KCNN2: variants seen among roughly 807,000 people sequenced by gnomAD.
The protein encoded by KCNN2 is potassium calcium-activated channel subfamily N member 2.
A neutral mutation model predicts 55.5 loss-of-function variants in KCNN2; 24 were observed. The observed-to-expected ratio is 0.43, with a 90% CI of 0.31 to 0.61. The LOEUF (loss-of-function observed/expected upper bound fraction) is 0.61, where lower values mean the gene tolerates loss of function less well. Among genes scored for constraint, KCNN2 ranks in the 20% least tolerant of loss-of-function variants. The probability of loss-of-function intolerance (pLI) is 0.08; values close to 1 mark genes in which losing one functional copy is unlikely to be tolerated. For missense variants in KCNN2, 754 were observed against 853.6 expected (o/e 0.88, Z 1.45); for synonymous variants, 431 against 336.1 (o/e 1.28, Z -3.09).
At chr5:114,389,408 A>G (rs1474867162) in intron 2 of KCNN2, among the ~76,000 whole-genome samples, 1 of 152,172 alleles carries the variant, frequency 6.6e-6, no homozygotes, top group Non-Finnish European at 1.5e-5. Flanking sequence ...GCTTGGGTTC[A>G]TATGCTAGCC....
At chr5:114,164,129 A>G (rs1466797570) in intron 1 of KCNN2, among the ~76,000 whole-genome samples, 1 of 152,220 alleles carries the variant, frequency 6.6e-6, no homozygotes, top group Non-Finnish European at 1.5e-5. Flanking sequence ...AAGTATTACA[A>G]AAGTATTACT....
intron 2 of KCNN2, among the ~76,000 whole-genome samples, chr5:114,382,297 C>T (rs1002785265): frequency 2.0e-5 from 3 of 152,226 alleles, no homozygotes; most frequent in African/African-American, 7.2e-5. Flanking sequence ...CATCCATCGT[C>T]TCTAACTCCC....
At chr5:114,096,031 C>T (rs950372863) in intron 1 of KCNN2, among the ~76,000 whole-genome samples, 1 of 152,048 alleles carries the variant, frequency 6.6e-6, no homozygotes, top group Non-Finnish European at 1.5e-5. Context: ...TTTGCCATAC[C>T]TTGAAGTCCC....
At chr5:114,194,248 T>C (rs1036909133) in intron 1 of KCNN2, among the ~76,000 whole-genome samples, 1 of 152,126 alleles carries the variant, frequency 6.6e-6, no homozygotes, top group African/African-American at 2.4e-5. Flanking sequence ...ATAGTAACTA[T>C]TTGTTTAATC....
At chr5:114,286,547 C>A in intron 2 of KCNN2, among the ~76,000 whole-genome samples, 1 of 152,070 alleles carries the variant, frequency 6.6e-6, no homozygotes, top group East Asian at 1.9e-4. Flanking sequence ...AGGCTGGGAC[C>A]AGTGCAAGAA....
chr5:114,188,957 A>G (rs530906993), intron 1 of KCNN2, among the ~76,000 whole-genome samples: 4 of 152,194 alleles, frequency 2.6e-5, no homozygotes, highest in Non-Finnish European at 4.4e-5. Flanking sequence ...TCCAAACATT[A>G]TATGAAAAAT....
At chr5:114,333,131 C>T (rs1000061421) in intron 2 of KCNN2, among the ~76,000 whole-genome samples, 1 of 152,074 alleles carries the variant, frequency 6.6e-6, no homozygotes, top group Admixed American at 6.5e-5. Flanking sequence ...TGATATAGAG[C>T]ACATGAAAGA....
At chr5:114,149,552 G>T (rs534524624) in intron 1 of KCNN2, among the ~76,000 whole-genome samples, 1 of 152,264 alleles carries the variant, frequency 6.6e-6, no homozygotes, top group East Asian at 1.9e-4. Flanking sequence ...GAGGGCGGGG[G>T]TAGGTTAGTG....
Position 114,111,635 on chromosome 5 carries a change from G to GA in KCNN2, c.-271+55142dup, listed in dbSNP as rs558716472. ...ACAAAGAACTCAAACAAATTTACAA[G>GA]AAAAAAACAACCCCATCAAAAAGTG... On this transcript the variant is annotated intron_variant, in intron 1 of 10. Transcript: ENST00000512097. Among the ~76,000 whole-genome samples, 236 of 151,562 alleles carry GA rather than the reference G, an allele frequency of 1.6e-3. 1 individual carries two copies. Among genetic ancestry groups the GA allele is most frequent in the African/African-American group, 5.6e-3 (231 of 41,402 alleles).
At chr5:114,215,965 A>T (rs930638025) in intron 1 of KCNN2, among the ~76,000 whole-genome samples, 1 of 152,104 alleles carries the variant, frequency 6.6e-6, no homozygotes, top group Non-Finnish European at 1.5e-5. Context: ...TACCCAAAGT[A>T]TCCTCAGGGA....
intron 3 of KCNN2, among the ~76,000 whole-genome samples, chr5:114,412,201 A>T (rs1759157682): frequency 6.6e-6 from 1 of 152,220 alleles, no homozygotes; most frequent in Non-Finnish European, 1.5e-5. Context: ...CATATGGAAT[A>T]TGGGCATTGA....
At chr5:114,408,558 TATG>T (rs1222365406) in intron 3 of KCNN2, among the ~76,000 whole-genome samples, 3 of 152,192 alleles carry the variant, frequency 2.0e-5, no homozygotes, top group Non-Finnish European at 4.4e-5. Context: ...AGATGTACCT[TATG>T]ATGGTTGAAG....
In KCNN2 at chr5:114,191,633, C is replaced by G. The variant is rs1016093251; in HGVS notation, c.-270-29847C>G. On this transcript the variant is annotated intron_variant, in intron 1 of 10. Transcript: ENST00000512097. ...TTGGGCCAGTACAGCAGTCATAGCA[C>G]TGGAATGTTAGTTCCAGATCCCAAG... Among the ~76,000 whole-genome samples the G allele has an allele frequency of 8.5e-5, 13 of 152,138 alleles. 1 individual carries two copies. Among genetic ancestry groups the G allele is most frequent in the Non-Finnish European group, 1.5e-5 (1 of 68,010 alleles).
chr5:114,272,848 A>G (rs917087455), intron 2 of KCNN2, among the ~76,000 whole-genome samples: 1 of 152,068 alleles, frequency 6.6e-6, no homozygotes, highest in Non-Finnish European at 1.5e-5. Flanking sequence ...AACTTGTCTC[A>G]TTCTTTCCAA....
At chr5:114,436,366 C>G (rs2150091011) in intron 3 of KCNN2, among the ~76,000 whole-genome samples, 1 of 152,264 alleles carries the variant, frequency 6.6e-6, no homozygotes, top group South Asian at 2.1e-4. Flanking sequence ...AGTGTATAAT[C>G]AGTTCAACTG....
chr5:114,187,010 C>A (rs1473471202), intron 1 of KCNN2, among the ~76,000 whole-genome samples: 1 of 151,968 alleles, frequency 6.6e-6, no homozygotes, highest in Non-Finnish European at 1.5e-5. Context: ...TACATCCACC[C>A]CATAAATGGT....
intron 2 of KCNN2, among the ~76,000 whole-genome samples, chr5:114,288,949 C>A (rs1283472771): frequency 6.6e-6 from 1 of 151,988 alleles, no homozygotes; most frequent in African/African-American, 2.4e-5. Flanking sequence ...AGATTTAACC[C>A]TATATTTTTT....
At chr5:114,249,353 T>C (rs1193130689) in intron 2 of KCNN2, among the ~76,000 whole-genome samples, 2 of 151,454 alleles carry the variant, frequency 1.3e-5, no homozygotes, top group East Asian at 1.9e-4. Flanking sequence ...AGTTGTGTGA[T>C]TGTGGCTCAC....
intron 2 of KCNN2, among the ~76,000 whole-genome samples, chr5:114,250,324 G>A (rs1423580266): frequency 6.6e-6 from 1 of 152,150 alleles, no homozygotes; most frequent in African/African-American, 2.4e-5. Flanking sequence ...GAACTTGACA[G>A]AGCTTCTTCA....
Sources: gnomAD v4.1 joint callset for allele counts (sites outside exome capture counted in the v4.1 genomes callset) on GRCh38, gnomAD v4.1.1 for gene constraint, MANE v1.5 for transcripts, NCBI Gene and HGNC (gene_info 2026-07-23, HGNC 2026-07-21) for gene names.